TFAP2A: variants seen among roughly 807,000 people sequenced by gnomAD.
The protein encoded by TFAP2A is transcription factor AP-2 alpha, also known as transcription factor AP-2-alpha.
A neutral mutation model predicts 41.5 loss-of-function variants in TFAP2A; 7 were observed. The observed-to-expected ratio is 0.17, with a 90% CI of 0.10 to 0.32. TFAP2A has a LOEUF of 0.32. TFAP2A is among the 10% of genes least tolerant of loss of function. The probability of loss-of-function intolerance (pLI) is 1.00; values close to 1 mark genes in which losing one functional copy is unlikely to be tolerated. For missense variants in TFAP2A, 416 were observed against 563.3 expected (o/e 0.74, Z 2.65); for synonymous variants, 247 against 242.8 (o/e 1.02, Z -0.16).
At chr6:10,412,713 G>T in intron 1 of TFAP2A, 1 of 321,950 alleles carries the variant, frequency 3.1e-6, no homozygotes, top group Non-Finnish European at 6.3e-6. Context: ...TCTGGCCGCG[G>T]GCTCCGCCGC....
At position 10,398,287 on chromosome 6, in the gene TFAP2A, G is replaced by GGCGGCGGCGGCAGCAGCAGCA; in HGVS notation, c.*109_*129dup. 1 of 1,583,036 alleles carries GGCGGCGGCGGCAGCAGCAGCA rather than the reference G, an allele frequency of 6.3e-7. No homozygotes were observed. Among genetic ancestry groups the GGCGGCGGCGGCAGCAGCAGCA allele is most frequent in the Non-Finnish European group, 8.6e-7 (1 of 1,168,552 alleles). On this transcript the variant is annotated 3_prime_UTR_variant, in exon 7 of 7. Transcript: ENST00000379613. The surrounding 1 kb of genome is among the most constrained non-coding windows in gnomAD (Gnocchi z 5.3). ...GGGGGGACCCAAGGGCAGCGGCGGC[G>GGCGGCGGCGGCAGCAGCAGCA]GCGGCGGCGGCAGCAGCAGCAGCAG...
rs1366870946 is a variant in TFAP2A at position 10,397,439 on chromosome 6, A to C, written c.*978T>G. On this transcript the variant is annotated 3_prime_UTR_variant, in exon 7 of 7. Coordinates refer to ENST00000379613, the MANE Select transcript of TFAP2A (RefSeq NM_001372066.1). ...TTTCTTTCGGTTCAATGAAAAGCTA[A>C]ATGTAATAATACTAATTATAGATAA... 1 of 152,184 alleles carries C rather than the reference A, an allele frequency of 6.6e-6. No individual in the cohort carries two copies. The highest frequency in any genetic ancestry group is 2.4e-5 in the African/African-American group (1 of 41,444). 9.4% of individuals were successfully genotyped at this position (152,184 alleles called of 1,614,324 possible). A position where few individuals can be genotyped will look rare whatever the true frequency, so the allele number is the denominator to read the frequency against.
chr6:10,417,746 G>C (rs1163700576), upstream of TFAP2A, among the ~76,000 whole-genome samples: 1 of 152,070 alleles, frequency 6.6e-6, no homozygotes, highest in African/African-American at 2.4e-5. Context: ...CATCAGATTC[G>C]GCCCCTCCGG....
intron 1 of TFAP2A, chr6:10,414,639 A>C: frequency 1.8e-6 from 1 of 550,216 alleles, no homozygotes; most frequent in Non-Finnish European, 3.3e-6. Context: ...GTTGCCAGCA[A>C]TTGCTTCAAA....
chr6:10,402,995 T>C lies in TFAP2A; in HGVS notation c.771-385A>G, dbSNP rs539922378. On this transcript the variant is annotated intron_variant, in intron 4 of 6. Coordinates refer to ENST00000379613, the MANE Select transcript of TFAP2A (RefSeq NM_001372066.1). Reference sequence around the variant, plus strand: ...AATCCCAATGGGGTCTTTAAAACTGTCTTTGCAAGATATGCTGTTAGGTTG... The same window carrying C: ...AATCCCAATGGGGTCTTTAAAACTGCCTTTGCAAGATATGCTGTTAGGTTG... Among the ~76,000 whole-genome samples, 192 of 152,364 alleles carry C rather than the reference T, an allele frequency of 1.3e-3. 8 individuals carry two copies. The South Asian group carries it at 0.038, about 30-fold the overall frequency.
At chr6:10,403,583 T>C (rs1426107006) in intron 4 of TFAP2A, among the ~76,000 whole-genome samples, 4 of 152,024 alleles carry the variant, frequency 2.6e-5, no homozygotes, top group Non-Finnish European at 4.4e-5. Flanking sequence ...GTCAAAACAA[T>C]GAAGTTCTCA....
At chr6:10,417,592 C>T (rs1357265414), upstream of TFAP2A, among the ~76,000 whole-genome samples, 1 of 152,178 alleles carries the variant, frequency 6.6e-6, no homozygotes, top group Admixed American at 6.5e-5. Context: ...ACGTGGGGGG[C>T]ATAAAAAGGG....
At position 10,398,313 on chromosome 6, in the gene TFAP2A, T is replaced by TAGCAGC. The variant is rs1761866292; in HGVS notation, c.*98_*103dup. On this transcript the variant is annotated 3_prime_UTR_variant, in exon 7 of 7. Transcript: ENST00000379613. The surrounding 1 kb of genome is among the most constrained non-coding windows in gnomAD (Gnocchi z 5.3). ...GCGGCGGCGGCAGCAGCAGCAGCAG[T>TAGCAGC]AGCAGCAGCAGGAAGGGTTGCTGAT... The TAGCAGC allele has an allele frequency of 1.9e-6, 3 of 1,592,408 alleles. No homozygotes were observed. Among genetic ancestry groups the TAGCAGC allele is most frequent in the East Asian group, 2.3e-5 (1 of 44,316 alleles).
At position 10,413,859 on chromosome 6, in the gene TFAP2A, CA is replaced by C. The variant is rs1581275162; in HGVS notation, c.51+1081del. Among the ~76,000 whole-genome samples the C allele has an allele frequency of 5.8e-5, 3 of 51,794 alleles. No homozygotes were observed. The East Asian group carries it at 2.2e-3, about 38-fold the overall frequency. The allele number at this position is 51,794 out of a possible 152,430, so 34.0% of individuals were successfully genotyped here. A position where few individuals can be genotyped will look rare whatever the true frequency, so the allele number is the denominator to read the frequency against. On this transcript the variant is annotated intron_variant, in intron 1 of 6. Coordinates refer to ENST00000379613, the MANE Select transcript of TFAP2A (RefSeq NM_001372066.1). ...GCCTAACATTCTCAGCTGCAAATGC[CA>C]AAAAAGAAAAAAAAAAAAAACAGCA... is the stretch of plus-strand genomic sequence containing the variant.
chr6:10,417,289 A>C (rs1445305558), upstream of TFAP2A: 1 of 152,284 alleles, frequency 6.6e-6, no homozygotes, highest in Non-Finnish European at 1.5e-5. Flanking sequence ...CCCGCGCCCA[A>C]CAGATCTCCG....
intron 1 of TFAP2A, chr6:10,412,100 A>G: frequency 4.0e-6 from 4 of 995,624 alleles, no homozygotes; most frequent in Non-Finnish European, 4.8e-6. Flanking sequence ...CGTGAAGCGG[A>G]GAGGCAACTC....
In TFAP2A at chr6:10,398,565, G is replaced by A; in HGVS notation, c.1172C>T (p.Pro391Leu). Residue 391 changes from proline to leucine, a missense_variant, in exon 7 of 7, where the codon CCC becomes CTC. By Grantham distance (98) the Pro-to-Leu change is moderately conservative. Coordinates refer to ENST00000379613, the MANE Select transcript of TFAP2A (RefSeq NM_001372066.1). The surrounding 1 kb of genome is among the most constrained non-coding windows in gnomAD (Gnocchi z 5.3). ...FNLISHGFGS[P>L]AVCAAVTALQ... is the part of the protein sequence containing the mutation. ...GGCCGTGACCGCGGCACACACCGCG[G>A]GGCTGCCGAAGCCGTGGGAGATGAG... 2 of 1,614,250 alleles carry A rather than the reference G, an allele frequency of 1.2e-6. No homozygotes were observed. The highest frequency in any genetic ancestry group is 1.7e-6 in the Non-Finnish European group (2 of 1,180,032).
At chr6:10,419,381 G>T, upstream of TFAP2A, 2 of 1,596,946 alleles carry the variant, frequency 1.3e-6, no homozygotes, top group Non-Finnish European at 1.7e-6. Flanking sequence ...CTCCACCCCT[G>T]CCCACCTCAA....
At chr6:10,408,166 C>G (rs1208532243) in intron 2 of TFAP2A, among the ~76,000 whole-genome samples, 3 of 152,182 alleles carry the variant, frequency 2.0e-5, no homozygotes, top group African/African-American at 7.2e-5. Flanking sequence ...GTTATACTTA[C>G]TAAAGGTTAA....
At chr6:10,403,422 A>G (rs1314380520) in intron 4 of TFAP2A, among the ~76,000 whole-genome samples, 1 of 152,208 alleles carries the variant, frequency 6.6e-6, no homozygotes, top group Admixed American at 6.5e-5. Flanking sequence ...AAAGACTACA[A>G]AGGGAAAGCA....
chr6:10,411,769 T>C, intron 1 of TFAP2A: 1 of 1,473,720 alleles, frequency 6.8e-7, no homozygotes. Flanking sequence ...CCGGCTCGGA[T>C]CCATCCGAAC....
intron 3 of TFAP2A, 177 bp from the exon 4 acceptor site, chr6:10,404,916 C>G (rs1757637177): frequency 1.6e-6 from 1 of 636,632 alleles, no homozygotes; most frequent in South Asian, 1.9e-5. Flanking sequence ...GGGCTCGAGC[C>G]CTTCCCTACC....
At chr6:10,417,717 G>A (rs1310932099), upstream of TFAP2A, among the ~76,000 whole-genome samples, 1 of 152,192 alleles carries the variant, frequency 6.6e-6, no homozygotes, top group East Asian at 1.9e-4. Flanking sequence ...TGGGAGCCGG[G>A]AGCCCAACAG....
rs1757618688 is a variant in TFAP2A, at chr6:10,404,689, T to C, written c.589A>G (p.Ile197Val). The C allele has an allele frequency of 6.2e-7, 1 of 1,614,092 alleles. No individual in the cohort carries two copies. The highest frequency in any genetic ancestry group is 8.5e-7 in the Non-Finnish European group (1 of 1,179,994). The change falls in exon 4 of 7, where the codon ATT (isoleucine) becomes GTT (valine). Residue 197 changes from isoleucine (I) to valine (V), a missense_variant. Ile to Val is a conservative substitution (Grantham distance 29, BLOSUM62 3). Coordinates refer to ENST00000379613, the MANE Select transcript of TFAP2A (RefSeq NM_001372066.1). Reference sequence around the variant, plus strand: ...CCGCCGAAGAGGTTGTCCTTGTTAATAGGGATGGCGGAGACGGCATTGCTG... The same window carrying C: ...CCGCCGAAGAGGTTGTCCTTGTTAACAGGGATGGCGGAGACGGCATTGCTG... The part of the protein sequence containing the change: ...SNSNAVSAIP[I>V]NKDNLFGGVV...
Sources: allele counts gnomAD v4.1 joint callset (sites outside exome capture counted in the v4.1 genomes callset), GRCh38; gene constraint gnomAD v4.1.1; non-coding constraint Gnocchi (gnomAD v3.1); transcripts MANE v1.5; gene names NCBI Gene and HGNC (gene_info 2026-07-23, HGNC 2026-07-21).